The following TENM3 variants were observed in gnomAD, a reference collection of about 807,000 sequenced individuals.
TENM3 encodes the protein teneurin transmembrane protein 3.
In TENM3, 63 loss-of-function variants were observed where a neutral mutation model predicts 255.1. The ratio of observed to expected loss-of-function variants is 0.25; its 90% CI spans 0.20 to 0.30. TENM3 has a LOEUF of 0.30. TENM3 is among the 10% of genes least tolerant of loss of function. The pLI, the probability that TENM3 is intolerant of heterozygous loss-of-function variation, is 1.00. For missense variants in TENM3, 2,929 were observed against 3,461.1 expected (o/e 0.85, Z 3.86); for synonymous variants, 1,306 against 1,322.3 (o/e 0.99, Z 0.27).
intron 2 of TENM3, among the ~76,000 whole-genome samples, chr4:182,325,742 G>A (rs1431855323): frequency 1.5e-4 from 22 of 146,918 alleles, no homozygotes. Flanking sequence ...GTTGGAAAAC[G>A]AAAAAAAAAT....
intron 3 of TENM3, among the ~76,000 whole-genome samples, chr4:182,570,536 G>A (rs1744250333): frequency 6.6e-6 from 1 of 152,280 alleles, no homozygotes; most frequent in African/African-American, 2.4e-5. Context: ...ACCAGTGGCG[G>A]TAGTAAATGC....
intron 3 of TENM3, among the ~76,000 whole-genome samples, chr4:182,393,602 G>A (rs2150991997): frequency 6.6e-6 from 1 of 152,234 alleles, no homozygotes; most frequent in South Asian, 2.1e-4. Context: ...AGTAGACATT[G>A]ACAAAACAGC....
At chr4:181,491,887 A>G in the TENM3 span, among the ~76,000 whole-genome samples, 1 of 152,178 alleles carries the variant, frequency 6.6e-6, no homozygotes, top group East Asian at 1.9e-4. Context: ...AGTGAATACC[A>G]CTTCCTTAAC....
At chr4:182,496,655 T>C (rs771694621) in intron 3 of TENM3, among the ~76,000 whole-genome samples, 35 of 152,216 alleles carry the variant, frequency 2.3e-4, no homozygotes, top group Admixed American at 5.2e-4. Context: ...TGTAGCTTCA[T>C]TAAAAATCTC....
chr4:181,873,460 T>C, the TENM3 span, among the ~76,000 whole-genome samples: 14 of 152,222 alleles, frequency 9.2e-5, no homozygotes, highest in Non-Finnish European at 1.9e-4. Flanking sequence ...TTATCATCAT[T>C]TAACTCAAAA....
At chr4:182,153,482 C>CA (rs1221795098) in intron 1 of TENM3, among the ~76,000 whole-genome samples, 41 of 152,102 alleles carry the variant, frequency 2.7e-4, no homozygotes, top group Non-Finnish European at 1.8e-4. Flanking sequence ...GCATTTCATT[C>CA]AAGTATGATG....
chr4:181,479,362 C>T, the TENM3 span, among the ~76,000 whole-genome samples: 17 of 152,136 alleles, frequency 1.1e-4, no homozygotes, highest in Non-Finnish European at 2.1e-4. Context: ...AAGCAAGTAA[C>T]TAATTACCTA....
At chr4:181,655,037 A>C in the TENM3 span, among the ~76,000 whole-genome samples, 5 of 152,224 alleles carry the variant, frequency 3.3e-5, no homozygotes, top group African/African-American at 1.2e-4. Flanking sequence ...AAGACTTTTA[A>C]AGAGATGAGA....
intron 1 of TENM3, among the ~76,000 whole-genome samples, chr4:182,212,904 C>CT (rs1265677597): frequency 1.3e-5 from 2 of 152,198 alleles, no homozygotes; most frequent in East Asian, 3.8e-4. Context: ...GAGGCAATTT[C>CT]TTTTTTCTTT....
chr4:181,868,486 A>G, the TENM3 span, among the ~76,000 whole-genome samples: 3 of 152,060 alleles, frequency 2.0e-5, no homozygotes, highest in African/African-American at 7.2e-5. Flanking sequence ...TCTCACCTTT[A>G]CTCTCAACCC....
the TENM3 span, among the ~76,000 whole-genome samples, chr4:181,592,070 G>A: frequency 3.7e-4 from 56 of 152,242 alleles, no homozygotes; most frequent in South Asian, 0.011. Flanking sequence ...AAGAGCGACT[G>A]CAAAGGATAA....
At chr4:181,771,243 G>A in the TENM3 span, among the ~76,000 whole-genome samples, 2,813 of 152,278 alleles carry the variant, frequency 0.018, 24 homozygotes, top group Middle Eastern at 0.061. Flanking sequence ...AAAAAGACAT[G>A]AGCAAGCCTA....
At chr4:182,078,736 G>C in the TENM3 span, among the ~76,000 whole-genome samples, 3 of 152,150 alleles carry the variant, frequency 2.0e-5, no homozygotes, top group African/African-American at 7.2e-5. Context: ...CCTGAGCTGG[G>C]GGTGGGGAGC....
the TENM3 span, among the ~76,000 whole-genome samples, chr4:181,986,393 G>T: frequency 6.6e-6 from 1 of 151,906 alleles, no homozygotes; most frequent in Non-Finnish European, 1.5e-5. Flanking sequence ...TCTCCAGCAT[G>T]TTCAGTCTCT....
At chr4:181,466,765 G>C in the TENM3 span, among the ~76,000 whole-genome samples, 1 of 152,004 alleles carries the variant, frequency 6.6e-6, no homozygotes, top group East Asian at 1.9e-4. Context: ...GAAAACAATT[G>C]ATTAAAATGT....
At chr4:182,301,862 GC>G (rs1761874540) in intron 1 of TENM3, among the ~76,000 whole-genome samples, 1 of 152,150 alleles carries the variant, frequency 6.6e-6, no homozygotes, top group Non-Finnish European at 1.5e-5. Flanking sequence ...GAATTCGGGG[GC>G]CTATACTGAG....
intron 3 of TENM3, among the ~76,000 whole-genome samples, chr4:182,544,323 ATTTTTTTTT>A (rs35639483): frequency 1.4e-4 from 10 of 69,286 alleles, no homozygotes; most frequent in South Asian, 7.1e-4. Flanking sequence ...AGCATTGTGG[ATTTTTTTTT>A]TTTTTTTTTT....
the TENM3 span, among the ~76,000 whole-genome samples, chr4:181,516,379 A>AG: frequency 4.0e-5 from 6 of 151,514 alleles, no homozygotes; most frequent in African/African-American, 7.3e-5. Flanking sequence ...AAAAAAAAAA[A>AG]AAAGAAAGAA....
At chr4:182,075,072 C>T in the TENM3 span, among the ~76,000 whole-genome samples, 1 of 152,164 alleles carries the variant, frequency 6.6e-6, no homozygotes, top group Non-Finnish European at 1.5e-5. Flanking sequence ...CCGCATGGCT[C>T]AGCTCCAACC....
Sources: gnomAD v4.1 joint callset for allele counts (sites outside exome capture counted in the v4.1 genomes callset) on GRCh38, gnomAD v4.1.1 for gene constraint, MANE v1.5 for transcripts, NCBI Gene and HGNC (gene_info 2026-07-23, HGNC 2026-07-21) for gene names.